Variants in CWC27 observed in about 807,000 individuals in gnomAD.
The protein encoded by CWC27 is CWC27 spliceosome associated cyclophilin.
CWC27 carries 47 observed loss-of-function variants against 63.6 expected under a neutral mutation model. The ratio of observed to expected loss-of-function variants is 0.74; its 90% confidence interval spans 0.58 to 0.94. The LOEUF is 0.94. CWC27 is among the 40% of genes least tolerant of loss of function. The pLI, the probability that CWC27 is intolerant of heterozygous loss-of-function variation, is 0.00. For synonymous variants in CWC27, 175 were observed against 179.8 expected (o/e 0.97, Z 0.22); for missense variants, 495 against 554.3 (o/e 0.89, Z 1.07).
chr5:64,823,890 A>T (rs1034696409), intron 10 of CWC27, among the ~76,000 whole-genome samples: 1 of 152,140 alleles, frequency 6.6e-6, no homozygotes, highest in African/African-American at 2.4e-5. Flanking sequence ...AAAATTGTTA[A>T]TTATTTTTAT....
rs754149136 is a variant in CWC27 at position 65,018,161 on chromosome 5, T to A, written c.1259T>A (p.Met420Lys). The A allele has an allele frequency of 2.6e-5, 42 of 1,587,874 alleles. No homozygotes were observed. The highest frequency in any genetic ancestry group is 3.6e-5 in the Non-Finnish European group (42 of 1,172,386). ...GAACCATCTCTCTCCCTATTTAGGATGTCACATGTACTTCAGTTTGAGGAT... is the reference window on the plus strand; with the variant it reads ...GAACCATCTCTCTCCCTATTTAGGAAGTCACATGTACTTCAGTTTGAGGAT... ...ETEVEDDEGW[M>K]SHVLQFEDKS... Residue 420 changes from methionine (M) to lysine (K), a missense_variant and splice_region_variant, in exon 14 of 14, where the codon ATG (methionine) becomes AAG (lysine). Met to Lys is a moderately conservative substitution (Grantham distance 95). This residue lies in a region of CWC27 where 463 missense variants were observed against 498.1 expected (regional missense o/e 0.93). Coordinates refer to ENST00000381070, the MANE Select transcript of CWC27 (RefSeq NM_005869.4).
chr5:64,780,267 A>G lies in CWC27; in HGVS notation c.140-1654A>G, dbSNP rs375829498. Among the ~76,000 whole-genome samples the G allele has an allele frequency of 2.4e-4, 37 of 152,246 alleles. 1 individual carries two copies. In the East Asian group the frequency reaches 3.7e-3, roughly 15 times the overall value. ...CTTTTTGTGACAGTCATATTCCATC[A>G]TATGTATATATCACATTTTATTTAT... On this transcript the variant is annotated intron_variant, in intron 2 of 13. Coordinates refer to ENST00000381070, the MANE Select transcript of CWC27 (RefSeq NM_005869.4).
intron 10 of CWC27, among the ~76,000 whole-genome samples, chr5:64,869,859 T>G (rs1746622616): frequency 6.6e-6 from 1 of 152,052 alleles, no homozygotes; most frequent in Non-Finnish European, 1.5e-5. Flanking sequence ...TTGGGATTTT[T>G]TTTTCCCCTT....
chr5:64,995,923 T>G (rs1749622366), intron 13 of CWC27, among the ~76,000 whole-genome samples: 1 of 152,222 alleles, frequency 6.6e-6, no homozygotes, highest in Admixed American at 6.5e-5. Flanking sequence ...GCCTAATTAT[T>G]TAACAGGTGG....
intron 11 of CWC27, among the ~76,000 whole-genome samples, chr5:64,964,213 C>T (rs771555198): frequency 3.3e-5 from 5 of 152,116 alleles, no homozygotes; most frequent in Non-Finnish European, 5.9e-5. Context: ...ATCTTTTCCA[C>T]CTGGAATTTA....
In CWC27 at chr5:64,959,853, G is replaced by A. The variant is rs73760005; in HGVS notation, c.1043-11850G>A. On this transcript the variant is annotated intron_variant, in intron 11 of 13. Transcript: ENST00000381070. ...TTATTTAGCACATACTATATGCAAG[G>A]CATATGCTAGGCCACAGTTCTTGCC... is the stretch of plus-strand genomic sequence containing the variant. 9.7e-3 allele frequency among the ~76,000 whole-genome samples: 1,479 copies of A among 152,276 alleles called. 31 individuals carry two copies. Among genetic ancestry groups the A allele is most frequent in the African/African-American group, 0.034 (1,402 of 41,562 alleles).
At chr5:64,912,670 C>T (rs1367365545) in intron 11 of CWC27, among the ~76,000 whole-genome samples, 1 of 152,094 alleles carries the variant, frequency 6.6e-6, no homozygotes, top group Non-Finnish European at 1.5e-5. Flanking sequence ...TGCAGATAAT[C>T]ATCATGAGTT....
chr5:64,871,562 G>A (rs1336927093), intron 10 of CWC27, among the ~76,000 whole-genome samples: 1 of 152,152 alleles, frequency 6.6e-6, no homozygotes, highest in Non-Finnish European at 1.5e-5. Flanking sequence ...TAAAGATGGA[G>A]AATGAAGCAG....
chr5:64,807,482 G>A (rs1339584429), intron 10 of CWC27: 12 of 1,312,566 alleles, frequency 9.1e-6, no homozygotes, highest in South Asian at 7.5e-5. Context: ...AATCCAAAAC[G>A]CTTCCTAGTT....
intron 10 of CWC27, 57 bp downstream of exon 10, chr5:64,804,443 A>T: frequency 1.4e-6 from 2 of 1,452,960 alleles, no homozygotes; most frequent in Non-Finnish European, 1.8e-6. Flanking sequence ...TTTCACTTTA[A>T]TTCAGATTGA....
intron 13 of CWC27, among the ~76,000 whole-genome samples, chr5:64,980,272 A>G (rs1749310533): frequency 2.0e-5 from 3 of 152,168 alleles, no homozygotes; most frequent in Admixed American, 1.3e-4. Flanking sequence ...ACAGACTCAT[A>G]TAGCTGTAGA....
chr5:64,784,094 CA>C, intron 4 of CWC27, 115 bp downstream of exon 4: 3 of 900,910 alleles, frequency 3.3e-6, no homozygotes, highest in Non-Finnish European at 4.8e-6. Context: ...AAAAACATTC[CA>C]TAGGATATGT....
chr5:64,940,015 G>T (rs1748440805), intron 11 of CWC27, among the ~76,000 whole-genome samples: 1 of 152,244 alleles, frequency 6.6e-6, no homozygotes, highest in Non-Finnish European at 1.5e-5. Flanking sequence ...TGTGCTGGCA[G>T]CGAGAATTTC....
At chr5:64,911,661 TTGTTG>T (rs1747787893) in intron 11 of CWC27, among the ~76,000 whole-genome samples, 2 of 152,140 alleles carry the variant, frequency 1.3e-5, no homozygotes, top group Admixed American at 6.5e-5. Flanking sequence ...TAACAGTCTC[TTGTTG>T]AGAAGAGGGA....
chr5:64,916,154 AT>A (rs1400920596), intron 11 of CWC27, among the ~76,000 whole-genome samples: 9 of 152,228 alleles, frequency 5.9e-5, no homozygotes, highest in Non-Finnish European at 4.4e-5. Context: ...ATGAAATTAC[AT>A]TTTATAGACT....
intron 11 of CWC27, among the ~76,000 whole-genome samples, chr5:64,936,971 C>G (rs1335151180): frequency 6.6e-6 from 1 of 151,924 alleles, no homozygotes; most frequent in African/African-American, 2.4e-5. Flanking sequence ...TTTATTGTGT[C>G]TATTTGATTC....
chr5:64,808,005 A>G, intron 10 of CWC27: 4 of 1,348,440 alleles, frequency 3.0e-6, no homozygotes, highest in Non-Finnish European at 3.8e-6. Context: ...GCTACTTTCC[A>G]TTTTTTTTTC....
intron 10 of CWC27, among the ~76,000 whole-genome samples, chr5:64,829,068 A>T (rs7714464): frequency 0.011 from 1,654 of 152,280 alleles, 25 homozygotes; most frequent in African/African-American, 0.038. Context: ...TGATTTTTAA[A>T]ATTTCTGTAT....
Position 64,882,632 on chromosome 5 carries a change from C to T in CWC27, c.939-2811C>T, listed in dbSNP as rs148019490. 5.8e-3 allele frequency among the ~76,000 whole-genome samples: 889 copies of T among 152,246 alleles called. 5 individuals are homozygous for T. The highest frequency in any genetic ancestry group is 0.02 in the African/African-American group (826 of 41,540). On this transcript the variant is annotated intron_variant, in intron 10 of 13. Transcript: ENST00000381070. ...GTTTTGAGACGGAGTCTCGCTCTGT[C>T]GCCCAGGCTGGAGTGCAGTGGTGCG...
Sources: allele counts gnomAD v4.1 joint callset (sites outside exome capture counted in the v4.1 genomes callset), GRCh38; gene constraint gnomAD v4.1.1; regional missense constraint gnomAD v4.1.1; transcripts MANE v1.5; gene names NCBI Gene and HGNC (gene_info 2026-07-23, HGNC 2026-07-21).